RCOR1: variants seen among roughly 807,000 people sequenced by gnomAD.
The protein encoded by RCOR1 is REST corepressor.
A neutral mutation model predicts 64.0 loss-of-function variants in RCOR1; 12 were observed. That is an observed-to-expected ratio of 0.19 (90% CI 0.12 to 0.30). RCOR1 has a LOEUF of 0.30. Among genes scored for constraint, RCOR1 ranks in the 10% least tolerant of loss-of-function variants. The pLI is 1.00. For synonymous variants in RCOR1, 279 were observed against 227.2 expected (o/e 1.23, Z -2.05); for missense variants, 502 against 621.2 (o/e 0.81, Z 2.04).
At chr14:102,710,696 G>A in intron 6 of RCOR1, 1 of 469,266 alleles carries the variant, frequency 2.1e-6, no homozygotes, top group Non-Finnish European at 3.8e-6. Context: ...GGGAAGTTAG[G>A]AATCTATTTT....
At chr14:102,613,083 T>C (rs1022463061) in intron 2 of RCOR1, among the ~76,000 whole-genome samples, 1 of 152,072 alleles carries the variant, frequency 6.6e-6, no homozygotes, top group Non-Finnish European at 1.5e-5. Flanking sequence ...TTTGAGATGG[T>C]GCGAGTCTCG....
chr14:102,648,440 G>A (rs1384823418), intron 2 of RCOR1, among the ~76,000 whole-genome samples: 1 of 152,098 alleles, frequency 6.6e-6, no homozygotes. Flanking sequence ...TATCTTGTAT[G>A]TTCTCTGCCT....
intron 11 of RCOR1, among the ~76,000 whole-genome samples, chr14:102,723,446 A>AG (rs1294533402): frequency 1.3e-5 from 2 of 152,214 alleles, no homozygotes; most frequent in African/African-American, 2.4e-5. Context: ...GCCATCTGTA[A>AG]GAACACCATT....
intron 11 of RCOR1, among the ~76,000 whole-genome samples, chr14:102,725,010 C>T (rs1197609110): frequency 1.3e-5 from 2 of 152,176 alleles, no homozygotes; most frequent in African/African-American, 4.8e-5. Context: ...TAGATTATTT[C>T]CTTCAGGGCT....
chr14:102,699,420 A>G (rs1004048598), intron 3 of RCOR1, among the ~76,000 whole-genome samples: 4 of 152,198 alleles, frequency 2.6e-5, no homozygotes, highest in African/African-American at 7.2e-5. Context: ...TCTTTTGTCA[A>G]TGGAATATTT....
At chr14:102,632,799 G>C (rs1415015331) in intron 2 of RCOR1, among the ~76,000 whole-genome samples, 1 of 104,932 alleles carries the variant, frequency 9.5e-6, no homozygotes, top group African/African-American at 3.8e-5. Flanking sequence ...CTCCTCTCTC[G>C]TCTCTCCTCT....
chr14:102,686,731 C>T (rs1017895596), intron 3 of RCOR1, among the ~76,000 whole-genome samples: 10 of 152,148 alleles, frequency 6.6e-5, no homozygotes, highest in Non-Finnish European at 4.4e-5. Context: ...ATTTAAGGTT[C>T]CACTGTCTCT....
intron 6 of RCOR1, among the ~76,000 whole-genome samples, chr14:102,710,156 G>A (rs911966292): frequency 2.6e-5 from 4 of 152,242 alleles, no homozygotes; most frequent in Admixed American, 2.0e-4. Flanking sequence ...CTACCTTGGT[G>A]GAGGATGGGG....
At chr14:102,677,566 C>T (rs1464341426) in intron 2 of RCOR1, among the ~76,000 whole-genome samples, 246 of 109,222 alleles carry the variant, frequency 2.3e-3, no homozygotes, top group South Asian at 5.3e-3. Context: ...CCAGACAGGG[C>T]GGCGGGGCAG....
At chr14:102,653,967 CTTTCTTTCTTTCTTTCTTTTT>C (rs1894657942) in intron 2 of RCOR1, among the ~76,000 whole-genome samples, 2 of 40,952 alleles carry the variant, frequency 4.9e-5, no homozygotes, top group East Asian at 3.6e-4. Context: ...TTCTTTCTTT[CTTTCTTTCTTTCTTTCTTTTT>C]TTTTTTTTTT....
chr14:102,679,786 G>A (rs1298766198), intron 2 of RCOR1, among the ~76,000 whole-genome samples: 1 of 152,078 alleles, frequency 6.6e-6, no homozygotes. Context: ...CCTTTTCTCT[G>A]TCTTTATGCC....
intron 3 of RCOR1, among the ~76,000 whole-genome samples, chr14:102,683,788 G>GCCA (rs940639738): frequency 2.2e-4 from 34 of 152,330 alleles, no homozygotes; most frequent in African/African-American, 7.9e-4. Context: ...GGTCCCTCTT[G>GCCA]CCACCAGCCC....
intron 7 of RCOR1, among the ~76,000 whole-genome samples, chr14:102,711,593 T>C (rs953753991): frequency 5.9e-5 from 9 of 152,176 alleles, no homozygotes; most frequent in African/African-American, 1.9e-4. Flanking sequence ...CCTCTACAAT[T>C]GCATGTAACT....
intron 2 of RCOR1, among the ~76,000 whole-genome samples, chr14:102,671,334 G>C (rs1895028946): frequency 6.6e-6 from 1 of 152,112 alleles, no homozygotes; most frequent in Non-Finnish European, 1.5e-5. Flanking sequence ...AACCCAAGCA[G>C]GTGTTCTAAT....
intron 2 of RCOR1, among the ~76,000 whole-genome samples, chr14:102,628,552 G>A (rs1169357541): frequency 9.6e-5 from 14 of 145,254 alleles, no homozygotes; most frequent in Admixed American, 9.6e-4. Context: ...AAAAAAAAAA[G>A]CCTTACTAAT....
At chr14:102,684,089 A>AC (rs1895363620) in intron 3 of RCOR1, among the ~76,000 whole-genome samples, 1 of 152,184 alleles carries the variant, frequency 6.6e-6, no homozygotes, top group African/African-American at 2.4e-5. Context: ...AGCGCTAGGA[A>AC]CAGGTTCCTT....
intron 2 of RCOR1, chr14:102,655,409 C>G (rs915959400): frequency 1.0e-6 from 1 of 985,092 alleles, no homozygotes; most frequent in Non-Finnish European, 1.2e-6. Context: ...ACATTCCTTC[C>G]TCTCAATACC....
At position 102,602,158 on chromosome 14, in the gene RCOR1, C is replaced by CA. The variant is rs35761645; in HGVS notation, c.361+8848dup. Reference sequence around the variant, plus strand: ...TGGACGACAGAGCTAGACTCCGTCTCAAAAAAAAAAAAAAAGTGATAATAT... The same window carrying CA: ...TGGACGACAGAGCTAGACTCCGTCTCAAAAAAAAAAAAAAAAGTGATAATAT... On this transcript the variant is annotated intron_variant, in intron 2 of 11. Transcript: ENST00000262241. 2.1e-3 allele frequency among the ~76,000 whole-genome samples: 272 copies of CA among 132,574 alleles called. 1 individual carries two copies. The highest frequency in any genetic ancestry group is 8.8e-3 in the East Asian group (41 of 4,650). The allele number at this position is 132,574 out of a possible 152,430, so 87.0% of individuals were successfully genotyped here. A position where few individuals can be genotyped will look rare whatever the true frequency, so the allele number is the denominator to read the frequency against.
At chr14:102,680,860 C>T (rs1473819327) in intron 2 of RCOR1, among the ~76,000 whole-genome samples, 1 of 152,194 alleles carries the variant, frequency 6.6e-6, no homozygotes, top group Non-Finnish European at 1.5e-5. Flanking sequence ...ATTTCTTTCT[C>T]ATCTACATCC....
Sources: gnomAD v4.1 joint callset for allele counts (sites outside exome capture counted in the v4.1 genomes callset) on GRCh38, gnomAD v4.1.1 for gene constraint, MANE v1.5 for transcripts, NCBI Gene and HGNC (gene_info 2026-07-23, HGNC 2026-07-21) for gene names.